The following PLAGL1 variants were observed in gnomAD, a reference collection of about 807,000 sequenced individuals.
PLAGL1 encodes the protein PLAG1 like zinc finger 1, also known as zinc finger protein PLAGL1.
In PLAGL1, 1 loss-of-function variant was observed where a neutral mutation model predicts 4.6. The ratio of observed to expected loss-of-function variants is 0.22; its 90% CI spans 0.08 to 1.03. The LOEUF (loss-of-function observed/expected upper bound fraction) is 1.03, where lower values mean the gene tolerates loss of function less well. Among genes scored for constraint, PLAGL1 ranks in the 50% least tolerant of loss-of-function variants. PLAGL1 has a pLI of 0.58. For missense variants in PLAGL1, 464 were observed against 570.4 expected (o/e 0.81, Z 1.90); for synonymous variants, 240 against 237.8 (o/e 1.01, Z -0.08).
chr6:143,954,208 C>G lies in PLAGL1; in HGVS notation c.-324-5748G>C, dbSNP rs1340486379. On this transcript the variant is annotated intron_variant, in intron 6 of 7. Transcript: ENST00000674357. The surrounding 1 kb of genome is among the most constrained non-coding windows in gnomAD (Gnocchi z 5.1). ...AAAGCTCCCATCAGCTCTTTACTGG[C>G]TTGACTCACAAATTAGTAGGCCAAG... Among the ~76,000 whole-genome samples the G allele has an allele frequency of 6.6e-6, 1 of 152,142 alleles. No individual in the cohort carries two copies. Among genetic ancestry groups the G allele is most frequent in the Non-Finnish European group, 1.5e-5 (1 of 68,038 alleles).
intron 2 of PLAGL1, among the ~76,000 whole-genome samples, chr6:143,974,009 T>A (rs1003447509): frequency 1.8e-4 from 27 of 152,190 alleles, no homozygotes; most frequent in African/African-American, 6.5e-4. Flanking sequence ...TGTGTATAAA[T>A]GAGTTGTGTG....
At position 143,944,646 on chromosome 6, in the gene PLAGL1, G is replaced by C. The variant is rs184256690; in HGVS notation, c.153-1983C>G. Among the ~76,000 whole-genome samples the C allele has an allele frequency of 1.3e-3, 197 of 152,248 alleles. 2 individuals are homozygous for C. Among genetic ancestry groups the C allele is most frequent in the Admixed American group, 0.01 (159 of 15,300 alleles). On this transcript the variant is annotated intron_variant, in intron 7 of 7. Transcript: ENST00000674357. Reference sequence around the variant, plus strand: ...CTAGGTCTATCTAAATAAATGCACAGGTTGGAGAAAGGGTTTTTAGAGCAT... The same window carrying C: ...CTAGGTCTATCTAAATAAATGCACACGTTGGAGAAAGGGTTTTTAGAGCAT...
At chr6:143,976,958 A>G (rs1786685231) in intron 2 of PLAGL1, among the ~76,000 whole-genome samples, 1 of 152,130 alleles carries the variant, frequency 6.6e-6, no homozygotes, top group Non-Finnish European at 1.5e-5. Context: ...ATATGGTTTC[A>G]TTTTCATTCA....
intron 1 of PLAGL1, among the ~76,000 whole-genome samples, chr6:144,026,469 A>G (rs1796349176): frequency 6.6e-6 from 1 of 152,232 alleles, no homozygotes; most frequent in South Asian, 2.1e-4. Flanking sequence ...AATTTATTCC[A>G]CCATATCTCC....
In PLAGL1 at chr6:143,948,244, T is replaced by C; in HGVS notation, c.-108A>G. The C allele has an allele frequency of 9.9e-7, 1 of 1,012,696 alleles. No homozygotes were observed. Among genetic ancestry groups the C allele is most frequent in the Non-Finnish European group, 1.5e-6 (1 of 669,372 alleles). The allele number at this position is 1,012,696 out of a possible 1,614,324, so 62.7% of individuals were successfully genotyped here. A position where few individuals can be genotyped will look rare whatever the true frequency, so the allele number is the denominator to read the frequency against. On this transcript the variant is annotated 5_prime_UTR_variant, in exon 7 of 8. Coordinates refer to ENST00000674357, the MANE Select transcript of PLAGL1 (RefSeq NM_001317162.2). This position sits in a 1 kb window ranked among gnomAD's most constrained non-coding sequence, Gnocchi z 6.0. Reference sequence around the variant, plus strand: ...GGCACATCAGCAGAGTCCCTGCAGCTGAACTCCAGACCACGGGAGAGGCAG... The same window carrying C: ...GGCACATCAGCAGAGTCCCTGCAGCCGAACTCCAGACCACGGGAGAGGCAG...
chr6:143,986,439 G>A lies in PLAGL1; in HGVS notation c.-583-1265C>T, dbSNP rs1476978887. Among the ~76,000 whole-genome samples, 4 of 152,086 alleles carry A rather than the reference G, an allele frequency of 2.6e-5. No homozygotes were observed. In the East Asian group the frequency reaches 5.8e-4, roughly 22 times the overall value. On this transcript the variant is annotated intron_variant, in intron 1 of 7. Transcript: ENST00000674357. ...ACTGTTCACCAGCCCTAAAAAGATA[G>A]TCTTAACATTCGTTGGGGATTGACA...
At chr6:143,944,268 G>A (rs889026603) in intron 7 of PLAGL1, among the ~76,000 whole-genome samples, 1 of 152,064 alleles carries the variant, frequency 6.6e-6, no homozygotes, top group Non-Finnish European at 1.5e-5. Context: ...GCCCTATACT[G>A]TTTATTCCTG....
chr6:144,010,602 T>A (rs912315677), upstream of PLAGL1, among the ~76,000 whole-genome samples: 12 of 152,314 alleles, frequency 7.9e-5, no homozygotes, highest in Admixed American at 7.8e-4. The surrounding 1 kb of genome is among the most constrained non-coding windows in gnomAD (Gnocchi z 4.1). Flanking sequence ...TAGAAGAAAC[T>A]ACTTTAAATT....
At chr6:144,012,373 C>A (rs1474333202), upstream of PLAGL1, among the ~76,000 whole-genome samples, 1 of 151,708 alleles carries the variant, frequency 6.6e-6, no homozygotes, top group African/African-American at 2.4e-5. The surrounding 1 kb of genome is among the most constrained non-coding windows in gnomAD (Gnocchi z 4.8). Flanking sequence ...CCATCACAAC[C>A]GGCTAATTTT....
rs185944039 is a variant in PLAGL1, at chr6:143,960,836, A to G, written c.-398-294T>C. 5.9e-5 allele frequency: 9 copies of G among 152,354 alleles called. No individual in the cohort carries two copies. The East Asian group carries it at 1.7e-3, about 29-fold the overall frequency. The allele number at this position is 152,354 out of a possible 1,614,324, so 9.4% of individuals were successfully genotyped here. On this transcript the variant is annotated intron_variant, in intron 5 of 7. Transcript: ENST00000674357. This position sits in a 1 kb window ranked among gnomAD's most constrained non-coding sequence, Gnocchi z 5.7. ...TATATTCAGAACAGCACTCAGAGGA[A>G]ATGGTATTTTTTAAAACCAACAGTA...
At position 143,945,990 on chromosome 6, in the gene PLAGL1, C is replaced by T. The variant is rs1350450616; in HGVS notation, c.152+1995G>A. On this transcript the variant is annotated intron_variant, in intron 7 of 7. Transcript: ENST00000674357. The surrounding 1 kb of genome is among the most constrained non-coding windows in gnomAD (Gnocchi z 4.2). ...AAGAACAACTACCTTCTAAACATGA[C>T]TTAAGACTTCTTTTTCAGCGCAGTT... Among the ~76,000 whole-genome samples the T allele has an allele frequency of 1.3e-5, 2 of 152,152 alleles. No individual in the cohort carries two copies. Among genetic ancestry groups the T allele is most frequent in the Non-Finnish European group, 2.9e-5 (2 of 68,038 alleles).
chr6:143,992,797 G>A (rs1171848036), intron 1 of PLAGL1, among the ~76,000 whole-genome samples: 1 of 152,074 alleles, frequency 6.6e-6, no homozygotes, highest in Non-Finnish European at 1.5e-5. Flanking sequence ...GGCCAACATG[G>A]TGAAACCTCA....
rs924859695 is a variant in PLAGL1, at chr6:143,957,499, G to A, written c.-325+2970C>T. ...AGGGTCTGCTTCTATAGCTGATGGC[G>A]GTGATCTCTTTTCCTGGGACTCTTA... On this transcript the variant is annotated intron_variant, in intron 6 of 7. Coordinates refer to ENST00000674357, the MANE Select transcript of PLAGL1 (RefSeq NM_001317162.2). The surrounding 1 kb of genome is among the most constrained non-coding windows in gnomAD (Gnocchi z 4.2). Among the ~76,000 whole-genome samples the A allele has an allele frequency of 2.0e-5, 3 of 152,176 alleles. No individual in the cohort carries two copies. Among genetic ancestry groups the A allele is most frequent in the Admixed American group, 6.5e-5 (1 of 15,278 alleles).
At chr6:143,988,805 C>T (rs1789761884) in intron 1 of PLAGL1, among the ~76,000 whole-genome samples, 1 of 152,170 alleles carries the variant, frequency 6.6e-6, no homozygotes, top group African/African-American at 2.4e-5. Flanking sequence ...AGTTCTCTGT[C>T]CTTTTCTTAT....
At position 144,002,883 on chromosome 6, in the gene PLAGL1, CT is replaced by C. The variant is rs34276412; in HGVS notation, c.-584+5206del. Among the ~76,000 whole-genome samples, 330 of 144,026 alleles carry C rather than the reference CT, an allele frequency of 2.3e-3. 1 individual carries two copies. Among genetic ancestry groups the C allele is most frequent in the East Asian group, 6.1e-3 (30 of 4,914 alleles). 94.5% of individuals were successfully genotyped at this position (144,026 alleles called of 152,430 possible). A position where few individuals can be genotyped will look rare whatever the true frequency, so the allele number is the denominator to read the frequency against. On this transcript the variant is annotated intron_variant, in intron 1 of 7. Transcript: ENST00000674357. ...CAATCCCAATCAAAATTCTGGTAGG[CT>C]TTTTTTTTTTTTTTTAATGGACATT...
chr6:144,063,596 CAG>C lies in PLAGL1; in HGVS notation c.-151+870_-151+871del, dbSNP rs1197714343. On this transcript the variant is annotated intron_variant, in intron 1 of 3. Transcript: ENST00000437412. This position sits in a 1 kb window ranked among gnomAD's most constrained non-coding sequence, Gnocchi z 5.7. ...GAGTTCTGTTCTTTCGGTGGCCACA[CAG>C]ATGCTCAATGCCACGACCCTTGAAT... Among the ~76,000 whole-genome samples, 2 of 152,234 alleles carry C rather than the reference CAG, an allele frequency of 1.3e-5. No individual in the cohort carries two copies. The highest frequency in any genetic ancestry group is 4.8e-5 in the African/African-American group (2 of 41,464).
In PLAGL1 at chr6:143,990,916, G is replaced by T. The variant is rs1790342613; in HGVS notation, c.-583-5742C>A. Among the ~76,000 whole-genome samples, 1 of 151,432 alleles carries T rather than the reference G, an allele frequency of 6.6e-6. No individual in the cohort carries two copies. Among genetic ancestry groups the T allele is most frequent in the African/African-American group, 2.5e-5 (1 of 40,710 alleles). On this transcript the variant is annotated intron_variant, in intron 1 of 7. Transcript: ENST00000674357. The surrounding 1 kb of genome is among the most constrained non-coding windows in gnomAD (Gnocchi z 5.4). The stretch of plus-strand genomic sequence containing the variant: ...TTTGCCTATGAATGTTTTCTGTGTT[G>T]ACCACTTGGTGTCAATTATTTAATT...
Position 144,034,051 on chromosome 6 carries a change from C to T in PLAGL1, c.-151+30417G>A, listed in dbSNP as rs1797036627. On this transcript the variant is annotated intron_variant, in intron 1 of 3. Transcript: ENST00000437412. The surrounding 1 kb of genome is among the most constrained non-coding windows in gnomAD (Gnocchi z 4.7). ...GCTTTTACTACACTACAGACATGGT[C>T]TCCATGTAGTACATATAAAACTGCA... is the stretch of plus-strand genomic sequence containing the variant. Among the ~76,000 whole-genome samples, 1 of 152,206 alleles carries T rather than the reference C, an allele frequency of 6.6e-6. No individual in the cohort carries two copies. The highest frequency in any genetic ancestry group is 1.5e-5 in the Non-Finnish European group (1 of 68,036).
chr6:143,976,245 T>G (rs1786496842), intron 2 of PLAGL1, among the ~76,000 whole-genome samples: 2 of 150,400 alleles, frequency 1.3e-5, no homozygotes, highest in Admixed American at 1.3e-4. Flanking sequence ...GACGTACTTC[T>G]GGAATATTCC....
Sources: gnomAD v4.1 joint callset for allele counts (sites outside exome capture counted in the v4.1 genomes callset) on GRCh38, gnomAD v4.1.1 for gene constraint, Gnocchi (gnomAD v3.1) non-coding constraint, MANE v1.5 for transcripts, NCBI Gene and HGNC (gene_info 2026-07-23, HGNC 2026-07-21) for gene names.